The following PDZRN4 variants were observed in gnomAD, a reference collection of about 807,000 sequenced individuals.
PDZRN4 encodes PDZ domain containing ring finger 4.
A neutral mutation model predicts 99.0 loss-of-function variants in PDZRN4; 70 were observed. That is an observed-to-expected ratio of 0.71 (90% CI 0.58 to 0.86). PDZRN4 has a LOEUF of 0.86. Ranked by LOEUF, PDZRN4 falls within the 40% of genes least tolerant of loss-of-function variation. PDZRN4 has a pLI of 0.00. For synonymous variants in PDZRN4, 551 were observed against 501.6 expected (o/e 1.10, Z -1.32); for missense variants, 1,474 against 1,331.2 (o/e 1.11, Z -1.67).
chr12:41,238,809 A>C (rs1167370030), intron 3 of PDZRN4, among the ~76,000 whole-genome samples: 1 of 152,192 alleles, frequency 6.6e-6, no homozygotes, highest in African/African-American at 2.4e-5. Flanking sequence ...AAATAAAAAA[A>C]CAACAGATGC....
chr12:41,279,334 T>G (rs1307295298), intron 3 of PDZRN4, among the ~76,000 whole-genome samples: 1 of 152,236 alleles, frequency 6.6e-6, no homozygotes, highest in Non-Finnish European at 1.5e-5. Flanking sequence ...TTATTTCTAG[T>G]CATCTCAGCT....
chr12:41,497,936 T>C (rs1224177144), intron 3 of PDZRN4, among the ~76,000 whole-genome samples: 3 of 152,104 alleles, frequency 2.0e-5, no homozygotes, highest in African/African-American at 4.8e-5. Context: ...GATTACAGCA[T>C]GAATCTATTT....
intron 3 of PDZRN4, among the ~76,000 whole-genome samples, chr12:41,214,297 T>C (rs1468768236): frequency 7.2e-6 from 1 of 138,322 alleles, no homozygotes; most frequent in East Asian, 2.1e-4. Context: ...GGCATGGTGG[T>C]ACATGCCTGT....
intron 3 of PDZRN4, among the ~76,000 whole-genome samples, chr12:41,364,931 C>A (rs1951987220): frequency 6.6e-6 from 1 of 152,024 alleles, no homozygotes; most frequent in African/African-American, 2.4e-5. Context: ...AAAAATAAAT[C>A]CTGGATGTTA....
At chr12:41,550,472 T>G (rs1262847642) in intron 5 of PDZRN4, among the ~76,000 whole-genome samples, 4 of 152,204 alleles carry the variant, frequency 2.6e-5, no homozygotes, top group Non-Finnish European at 5.9e-5. Context: ...TAGTCAAGTA[T>G]TCTTTCCCTC....
intron 9 of PDZRN4, among the ~76,000 whole-genome samples, chr12:41,568,827 C>T (rs928547994): frequency 1.3e-4 from 17 of 129,542 alleles, no homozygotes; most frequent in Admixed American, 3.1e-4. Context: ...TATATATATA[C>T]GGAATCTTGC....
At chr12:41,190,154 A>G (rs781327956) in intron 1 of PDZRN4, among the ~76,000 whole-genome samples, 3 of 152,096 alleles carry the variant, frequency 2.0e-5, no homozygotes, top group African/African-American at 7.2e-5. Context: ...AAAGATTCCC[A>G]TTTGGGACTG....
At chr12:41,412,800 C>T (rs1952410041) in intron 3 of PDZRN4, among the ~76,000 whole-genome samples, 1 of 151,822 alleles carries the variant, frequency 6.6e-6, no homozygotes, top group Non-Finnish European at 1.5e-5. Context: ...TTATAATAGC[C>T]ATAACTAGGC....
intron 9 of PDZRN4, among the ~76,000 whole-genome samples, chr12:41,571,634 A>T (rs765089002): frequency 5.3e-5 from 8 of 152,124 alleles, no homozygotes; most frequent in Non-Finnish European, 1.2e-4. Context: ...CTTTTGAGAA[A>T]CATGATTTAG....
intron 3 of PDZRN4, among the ~76,000 whole-genome samples, chr12:41,425,739 T>C (rs1952530414): frequency 6.6e-6 from 1 of 152,218 alleles, no homozygotes; most frequent in African/African-American, 2.4e-5. Context: ...TACTGTGTAG[T>C]TGATCTAATT....
intron 3 of PDZRN4, among the ~76,000 whole-genome samples, chr12:41,254,577 T>TTATGTAA (rs1490544812): frequency 6.6e-6 from 1 of 152,240 alleles, no homozygotes; most frequent in African/African-American, 2.4e-5. Flanking sequence ...CCATGCTCAT[T>TTATGTAA]TATGTAATAA....
intron 3 of PDZRN4, among the ~76,000 whole-genome samples, chr12:41,385,357 A>C (rs796155613): frequency 3.3e-4 from 50 of 152,286 alleles, no homozygotes; most frequent in African/African-American, 1.2e-3. Flanking sequence ...AAAGCGAAGT[A>C]AAATGGACAT....
chr12:41,480,930 A>G (rs1296488986), intron 3 of PDZRN4, among the ~76,000 whole-genome samples: 1 of 152,098 alleles, frequency 6.6e-6, no homozygotes, highest in Non-Finnish European at 1.5e-5. Flanking sequence ...TACATGTCAG[A>G]TAAATTAAGT....
chr12:41,194,389 C>A (rs1046571718), intron 3 of PDZRN4, among the ~76,000 whole-genome samples: 1 of 152,202 alleles, frequency 6.6e-6, no homozygotes, highest in Non-Finnish European at 1.5e-5. Flanking sequence ...AATCCCAGCA[C>A]TTTTGGTGGC....
intron 5 of PDZRN4, among the ~76,000 whole-genome samples, chr12:41,545,509 ATGTGTGTGTGTGTGTGTGTG>A (rs61040270): frequency 3.5e-4 from 50 of 142,994 alleles, no homozygotes; most frequent in African/African-American, 1.2e-3. Context: ...GATGATATTA[ATGTGTGTGTGTGTGTGTGTG>A]TGTGTGTGTG....
chr12:41,357,603 A>G lies in PDZRN4; in HGVS notation c.844-148853A>G, dbSNP rs376774277. Among the ~76,000 whole-genome samples the G allele has an allele frequency of 1.2e-4, 19 of 152,134 alleles. No homozygotes were observed. In the East Asian group the frequency reaches 3.7e-3, roughly 30 times the overall value. Reference sequence around the variant, plus strand: ...CTCCTTATAAGTTGATCTTACATCAATGAGTAATTCCTACATTCATGGGCT... The same window carrying G: ...CTCCTTATAAGTTGATCTTACATCAGTGAGTAATTCCTACATTCATGGGCT... On this transcript the variant is annotated intron_variant, in intron 3 of 9. Transcript: ENST00000402685.
At position 41,555,695 on chromosome 12, in the gene PDZRN4, C is replaced by T. The variant is rs1250830226; in HGVS notation, c.1303-3C>T. On this transcript the variant is annotated splice_region_variant and splice_polypyrimidine_tract_variant and intron_variant, in intron 6 of 9. Coordinates refer to ENST00000402685, the MANE Select transcript of PDZRN4 (RefSeq NM_001164595.2). The stretch of plus-strand genomic sequence containing the variant: ...TTGAAGATGTATGTCCTCTTCATTA[C>T]AGGTTGACCCAAATAGCATTGCTGC... The T allele has an allele frequency of 1.2e-6, 2 of 1,613,122 alleles. No homozygotes were observed. Among genetic ancestry groups the T allele is most frequent in the Non-Finnish European group, 1.7e-6 (2 of 1,179,132 alleles).
At chr12:41,397,410 T>G (rs1406352292) in intron 3 of PDZRN4, among the ~76,000 whole-genome samples, 1 of 152,182 alleles carries the variant, frequency 6.6e-6, no homozygotes, top group Non-Finnish European at 1.5e-5. Context: ...TAGTATGTCT[T>G]TTGAAAGCAA....
intron 5 of PDZRN4, among the ~76,000 whole-genome samples, chr12:41,535,610 T>C (rs1337270352): frequency 2.0e-5 from 3 of 152,164 alleles, no homozygotes; most frequent in African/African-American, 7.2e-5. Context: ...TACTGCAGTA[T>C]TGGGAGGTGG....
Sources: gnomAD v4.1 joint callset for allele counts (sites outside exome capture counted in the v4.1 genomes callset) on GRCh38, gnomAD v4.1.1 for gene constraint, MANE v1.5 for transcripts, NCBI Gene and HGNC (gene_info 2026-07-23, HGNC 2026-07-21) for gene names.